Variants in C7 observed in about 807,000 individuals in gnomAD.
C7 encodes complement C7, also known as complement component C7.
In C7, 83 loss-of-function variants were observed where a neutral mutation model predicts 104.8. That is an observed-to-expected ratio of 0.79 (90% CI 0.66 to 0.95). The LOEUF (loss-of-function observed/expected upper bound fraction) is 0.95. C7 is among the 40% of genes least tolerant of loss of function. The pLI is 0.00. For synonymous variants in C7, 415 were observed against 360.6 expected, an observed-to-expected ratio of 1.15 and a Z score of -1.71; for missense variants, 1,070 against 1,011.2, an observed-to-expected ratio of 1.06 and a Z score of -0.79.
intron 1 of C7, among the ~76,000 whole-genome samples, chr5:40,922,374 C>CAAAAAAAAA (rs869109946): frequency 1.9e-4 from 8 of 43,082 alleles, no homozygotes; most frequent in African/African-American, 5.3e-4. Context: ...GACTCTGTCT[C>CAAAAAAAAA]AAAAAAAAAA....
At chr5:40,954,577 T>A (rs1201148443) in intron 9 of C7, among the ~76,000 whole-genome samples, 1 of 152,052 alleles carries the variant, frequency 6.6e-6, no homozygotes, top group African/African-American at 2.4e-5. Context: ...TTGTTTTTCT[T>A]TTTTAAAAAA....
At chr5:40,952,112 G>C (rs1740183295) in intron 9 of C7, among the ~76,000 whole-genome samples, 1 of 152,234 alleles carries the variant, frequency 6.6e-6, no homozygotes, top group African/African-American at 2.4e-5. Flanking sequence ...GTTGGAAGCT[G>C]CTTACCAATT....
At chr5:40,944,897 A>G (rs1740013047) in intron 6 of C7, among the ~76,000 whole-genome samples, 1 of 152,060 alleles carries the variant, frequency 6.6e-6, no homozygotes, top group Admixed American at 6.6e-5. Flanking sequence ...GCTTTTGTTA[A>G]TTTGCTCGCT....
chr5:40,971,017 G>T (rs1740687422), intron 14 of C7, among the ~76,000 whole-genome samples: 1 of 152,146 alleles, frequency 6.6e-6, no homozygotes, highest in African/African-American at 2.4e-5. Flanking sequence ...CCAAGTCTTT[G>T]CTATTGTAAG....
intron 1 of C7, among the ~76,000 whole-genome samples, chr5:40,922,285 G>A (rs150396135): frequency 0.1 from 13,427 of 133,828 alleles, 831 homozygotes; most frequent in Admixed American, 0.21. Flanking sequence ...TGAGGCAGAA[G>A]AAATGCTTGA....
In C7 at chr5:40,937,436, G is replaced by A. The variant is rs1739838860; in HGVS notation, c.429-116G>A. The stretch of plus-strand genomic sequence containing the variant: ...AACTCTCTCAAAGAAGTGTTTAAGT[G>A]TAATGCATTTTAAGAATTTGTAGAG... On this transcript the variant is annotated intron_variant, in intron 5 of 17. Coordinates refer to ENST00000313164, the MANE Select transcript of C7 (RefSeq NM_000587.4). 3.1e-6 allele frequency: 3 copies of A among 970,396 alleles called. No homozygotes were observed. The East Asian group carries it at 7.5e-5, about 24-fold the overall frequency. The allele number at this position is 970,396 out of a possible 1,614,324, so 60.1% of individuals were successfully genotyped here.
At chr5:40,957,929 G>C in intron 10 of C7, 104 bp from the exon 11 acceptor site, 1 of 668,688 alleles carries the variant, frequency 1.5e-6, no homozygotes, top group Non-Finnish European at 2.4e-6. Flanking sequence ...AAACTTGCCC[G>C]TGGCTTTTGA....
intron 14 of C7, among the ~76,000 whole-genome samples, chr5:40,970,040 A>T (rs939823323): frequency 3.3e-5 from 5 of 152,140 alleles, no homozygotes; most frequent in Non-Finnish European, 2.9e-5. Flanking sequence ...TTTGGAAGGC[A>T]TAAGATGTGA....
intron 6 of C7, among the ~76,000 whole-genome samples, chr5:40,944,156 G>A (rs1739999460): frequency 6.6e-6 from 1 of 152,112 alleles, no homozygotes; most frequent in Admixed American, 6.5e-5. Context: ...CTCAAACGCA[G>A]ATGTGTATGT....
chr5:40,933,348 G>C (rs936730246), intron 3 of C7, among the ~76,000 whole-genome samples: 1 of 152,188 alleles, frequency 6.6e-6, no homozygotes, highest in Non-Finnish European at 1.5e-5. Flanking sequence ...AGGACGCTCA[G>C]TTTTGGTTCC....
intron 7 of C7, among the ~76,000 whole-genome samples, chr5:40,946,137 G>A (rs1740043294): frequency 6.6e-6 from 1 of 151,736 alleles, no homozygotes; most frequent in African/African-American, 2.4e-5. Context: ...TTTAGATGGT[G>A]CATGAAGATA....
At chr5:40,912,745 C>T (rs1195714088) in intron 1 of C7, among the ~76,000 whole-genome samples, 2 of 152,108 alleles carry the variant, frequency 1.3e-5, no homozygotes, top group Non-Finnish European at 2.9e-5. Context: ...AGGCCAAGAA[C>T]AAGTACTCAA....
In C7 at chr5:40,936,510, G is replaced by C. The variant is rs369816131; in HGVS notation, c.428+25G>C. On this transcript the variant is annotated intron_variant, in intron 5 of 17. Coordinates refer to ENST00000313164, the MANE Select transcript of C7 (RefSeq NM_000587.4). ...GGTAAGGTGCTGGGCAGCCTCCTGA[G>C]TACATCAGTGAATTGTAGTTTTAAA... 7.6e-5 allele frequency: 122 copies of C among 1,597,612 alleles called. No individual in the cohort carries two copies. In the African/African-American group the frequency reaches 1.4e-3, roughly 19 times the overall value.
chr5:40,939,317 C>G (rs1016647770), intron 6 of C7, among the ~76,000 whole-genome samples: 122 of 152,182 alleles, frequency 8.0e-4, no homozygotes, highest in Non-Finnish European at 2.1e-4. Flanking sequence ...ACTGTGGCAT[C>G]TACACTATTT....
At chr5:40,976,353 T>G (rs1175190931) in intron 15 of C7, among the ~76,000 whole-genome samples, 1 of 152,210 alleles carries the variant, frequency 6.6e-6, no homozygotes, top group Non-Finnish European at 1.5e-5. Context: ...GTCCTTGGAT[T>G]CAGACCAATG....
chr5:40,954,299 A>G (rs1459039829), intron 9 of C7, among the ~76,000 whole-genome samples: 1 of 152,168 alleles, frequency 6.6e-6, no homozygotes, highest in Admixed American at 6.5e-5. Context: ...TCCTATATAC[A>G]ATTAGTATTT....
At chr5:40,970,763 C>T (rs546437964) in intron 14 of C7, among the ~76,000 whole-genome samples, 1 of 152,192 alleles carries the variant, frequency 6.6e-6, no homozygotes, top group South Asian at 2.1e-4. Context: ...CCCCTTGCCC[C>T]CCATCCCCTG....
chr5:40,951,611 C>G (rs369510974), intron 9 of C7, among the ~76,000 whole-genome samples: 5 of 152,056 alleles, frequency 3.3e-5, no homozygotes, highest in African/African-American at 1.2e-4. Flanking sequence ...CCCCATGAAT[C>G]GAGAATAAAC....
intron 1 of C7, among the ~76,000 whole-genome samples, chr5:40,927,973 G>A (rs1432054785): frequency 6.6e-6 from 1 of 152,080 alleles, no homozygotes; most frequent in East Asian, 1.9e-4. Flanking sequence ...GTTCATTTTA[G>A]CACTATTCAC....
Sources: allele counts gnomAD v4.1 joint callset (sites outside exome capture counted in the v4.1 genomes callset), GRCh38; gene constraint gnomAD v4.1.1; transcripts MANE v1.5; gene names NCBI Gene and HGNC (gene_info 2026-07-23, HGNC 2026-07-21).